The following UBE4B variants were observed in gnomAD, a reference collection of about 807,000 sequenced individuals.
UBE4B encodes the protein ubiquitination factor E4B.
In UBE4B, 27 loss-of-function variants were observed where a neutral mutation model predicts 148.1. The observed-to-expected ratio is 0.18, with a 90% confidence interval of 0.13 to 0.25. UBE4B has a LOEUF of 0.25. UBE4B is among the 10% of genes least tolerant of loss of function. The pLI is 1.00. For missense variants in UBE4B, 1,170 were observed against 1,662.4 expected, an observed-to-expected ratio of 0.70 and a Z score of 5.15; for synonymous variants, 596 against 619.3, an observed-to-expected ratio of 0.96 and a Z score of 0.56.
At chr1:10,120,578 T>C (rs989331382) in intron 9 of UBE4B, among the ~76,000 whole-genome samples, 13 of 152,148 alleles carry the variant, frequency 8.5e-5, no homozygotes, top group Non-Finnish European at 1.6e-4. Flanking sequence ...GGCTCATGCC[T>C]GTAATCCTAT....
chr1:10,120,815 G>A (rs1247739647), intron 9 of UBE4B, among the ~76,000 whole-genome samples: 1 of 152,210 alleles, frequency 6.6e-6, no homozygotes, highest in East Asian at 1.9e-4. Context: ...TCCAGCCTGG[G>A]CAACAGAGCA....
intron 2 of UBE4B, among the ~76,000 whole-genome samples, chr1:10,075,303 A>G (rs958517648): frequency 2.6e-5 from 4 of 152,230 alleles, no homozygotes; most frequent in African/African-American, 7.2e-5. Flanking sequence ...GACCTGTCAG[A>G]AAACTAGAAG....
intron 1 of UBE4B, chr1:10,054,524 T>C: frequency 2.8e-6 from 1 of 361,522 alleles, no homozygotes; most frequent in Non-Finnish European, 5.3e-6. Flanking sequence ...CTCTGGTACC[T>C]TTCTCTTTGG....
At chr1:10,126,941 A>T in intron 11 of UBE4B, 64 bp downstream of exon 11, 1 of 1,415,964 alleles carries the variant, frequency 7.1e-7, no homozygotes, top group Non-Finnish European at 9.9e-7. Flanking sequence ...TTATTTTGAC[A>T]TATACTTTTC....
chr1:10,178,507 A>G (rs886613685), intron 25 of UBE4B, 137 bp from the exon 26 acceptor site: 10 of 747,574 alleles, frequency 1.3e-5, no homozygotes, highest in African/African-American at 5.4e-5. Flanking sequence ...TATAAAATAT[A>G]TAAGTGTATA....
intron 18 of UBE4B, 66 bp downstream of exon 18, chr1:10,145,105 A>AC: frequency 1.5e-6 from 2 of 1,298,002 alleles, no homozygotes; most frequent in Non-Finnish European, 2.2e-6. Flanking sequence ...AACAGAATAT[A>AC]TGCCTTGAGT....
intron 25 of UBE4B, among the ~76,000 whole-genome samples, chr1:10,172,503 C>T (rs1277566701): frequency 6.6e-6 from 1 of 152,118 alleles, no homozygotes; most frequent in African/African-American, 2.4e-5. Flanking sequence ...GCCTTGAACC[C>T]ATATCCTCAG....
chr1:10,121,860 C>T (rs897625277), intron 9 of UBE4B, 102 bp from the exon 10 acceptor site: 4 of 679,568 alleles, frequency 5.9e-6, no homozygotes, highest in Non-Finnish European at 1.0e-5. Flanking sequence ...TGGGAGATGT[C>T]AAGTTTGACT....
At chr1:10,105,454 A>G in intron 5 of UBE4B, 62 bp from the exon 6 acceptor site, 1 of 1,476,820 alleles carries the variant, frequency 6.8e-7, no homozygotes, top group Non-Finnish European at 9.5e-7. Context: ...GGCTTATTCA[A>G]GGGCTGTGTA....
In UBE4B at chr1:10,105,645, G is replaced by A. The variant is rs772928952; in HGVS notation, c.710G>A (p.Arg237Gln). ...ATSQPIAAAA[R>Q]SPDRNLLLNT... ...TCACAGCCAATTGCTGCAGCAGCACGGTCACCAGACAGAAATCTCTTGCTA... is the reference window on the plus strand; with the variant it reads ...TCACAGCCAATTGCTGCAGCAGCACAGTCACCAGACAGAAATCTCTTGCTA... The change falls in exon 6 of 28, where the codon CGG becomes CAG. Residue 237 changes from arginine (R) to glutamine (Q), a missense_variant. Physicochemically the swap from Arg to Gln is conservative, Grantham distance 43. This residue lies in a region of UBE4B where 214 missense variants were observed against 209.1 expected (regional missense o/e 1.02). Coordinates refer to ENST00000343090, the MANE Select transcript of UBE4B (RefSeq NM_001105562.3). 104 of 1,614,058 alleles carry A rather than the reference G, an allele frequency of 6.4e-5. 1 individual carries two copies. The South Asian group carries it at 6.6e-4, about 10-fold the overall frequency.
rs547947665 is a variant in UBE4B, at chr1:10,093,608, C to G, written c.212-1853C>G. Reference sequence around the variant, plus strand: ...GTGGCAAGTTTACTGTCATAGAATGCTGGAAGGGTTAAAATTGTATTTATT... The same window carrying G: ...GTGGCAAGTTTACTGTCATAGAATGGTGGAAGGGTTAAAATTGTATTTATT... On this transcript the variant is annotated intron_variant, in intron 2 of 27. Coordinates refer to ENST00000343090, the MANE Select transcript of UBE4B (RefSeq NM_001105562.3). Among the ~76,000 whole-genome samples the G allele has an allele frequency of 8.2e-4, 125 of 152,168 alleles. 1 individual carries two copies. Among genetic ancestry groups the G allele is most frequent in the African/African-American group, 2.7e-3 (113 of 41,540 alleles).
chr1:10,040,492 C>G (rs1643715180), intron 1 of UBE4B, among the ~76,000 whole-genome samples: 1 of 152,154 alleles, frequency 6.6e-6, no homozygotes, highest in Non-Finnish European at 1.5e-5. Context: ...CTCAAGTGAT[C>G]TGCCCACCTC....
At chr1:10,147,301 T>C (rs189505780) in intron 19 of UBE4B, among the ~76,000 whole-genome samples, 144 of 152,296 alleles carry the variant, frequency 9.5e-4, no homozygotes, top group African/African-American at 3.2e-3. Context: ...AAGACCAGCC[T>C]GGCCAACATG....
Position 10,130,481 on chromosome 1 carries a change from T to C in UBE4B, c.1696-19T>C. 1 of 1,610,682 alleles carries C rather than the reference T, an allele frequency of 6.2e-7. No homozygotes were observed. Among genetic ancestry groups the C allele is most frequent in the Non-Finnish European group, 8.5e-7 (1 of 1,177,394 alleles). On this transcript the variant is annotated intron_variant, in intron 12 of 27. Transcript: ENST00000343090. ...CGGCCTGTTCAGCGGCTTGACTGGC[T>C]CTTCCATCTTCTGCCTAGGTTGCTT... is the stretch of plus-strand genomic sequence containing the variant.
rs540244711 is a variant in UBE4B at position 10,072,314 on chromosome 1, G to C, written c.211+100G>C. 50 of 1,366,796 alleles carry C rather than the reference G, an allele frequency of 3.7e-5. No homozygotes were observed. In the East Asian group the frequency reaches 1.1e-3, roughly 29 times the overall value. 84.7% of individuals were successfully genotyped at this position (1,366,796 alleles called of 1,614,324 possible). On this transcript the variant is annotated intron_variant, in intron 2 of 27. Coordinates refer to ENST00000343090, the MANE Select transcript of UBE4B (RefSeq NM_001105562.3). ...TTCCAGAACAGATTAAAATGAAGCA[G>C]ACATCAGCTCTTTAAAATCCTCCAA...
In UBE4B at chr1:10,072,051, A is replaced by G; in HGVS notation, c.48A>G (p.Arg16=). The G allele has an allele frequency of 5.0e-6, 8 of 1,601,418 alleles. No homozygotes were observed. The highest frequency in any genetic ancestry group is 6.8e-6 in the Non-Finnish European group (8 of 1,174,952). Residue 16 remains arginine (R), a synonymous_variant, in exon 2 of 28, where the codon CGA becomes CGG. Transcript: ENST00000343090. ...ADEIRRRRLA[R]LAGGQTSQPT... is the part of the protein sequence containing the mutation. ...AGATTCGACGGAGGCGCCTTGCACG[A>G]CTTGCTGGTGGACAGACCTCTCAGC... is the stretch of plus-strand genomic sequence containing the variant.
chr1:10,056,406 CTT>C (rs1392345135), intron 1 of UBE4B, among the ~76,000 whole-genome samples: 1 of 152,124 alleles, frequency 6.6e-6, no homozygotes, highest in Non-Finnish European at 1.5e-5. Context: ...CAAGTAAACA[CTT>C]TTCATTTGTT....
Position 10,129,394 on chromosome 1 carries a change from A to C in UBE4B, c.1641A>C (p.Ala547=), listed in dbSNP as rs2101939250. 6.2e-7 allele frequency: 1 copy of C among 1,611,410 alleles called. No individual in the cohort carries two copies. Among genetic ancestry groups the C allele is most frequent in the East Asian group, 2.2e-5 (1 of 44,818 alleles). ...DSDYFKYPLM[A]LGELCETKFG... ...AATGACTCTGATCTTATTTCTAGGC[A>C]CTAGGTGAGCTCTGTGAAACCAAGT... is the stretch of plus-strand genomic sequence containing the variant. Residue 547 remains alanine (A), a splice_region_variant and synonymous_variant, in exon 12 of 28, where the codon GCA becomes GCC. Coordinates refer to ENST00000343090, the MANE Select transcript of UBE4B (RefSeq NM_001105562.3).
At chr1:10,141,453 T>TA (rs1432681211) in intron 17 of UBE4B, among the ~76,000 whole-genome samples, 1 of 152,136 alleles carries the variant, frequency 6.6e-6, no homozygotes, top group Non-Finnish European at 1.5e-5. Flanking sequence ...TGTTCTCCCC[T>TA]AGAGCCTCCA....
Sources: allele counts gnomAD v4.1 joint callset (sites outside exome capture counted in the v4.1 genomes callset), GRCh38; gene constraint gnomAD v4.1.1; regional missense constraint gnomAD v4.1.1; transcripts MANE v1.5; gene names NCBI Gene and HGNC (gene_info 2026-07-23, HGNC 2026-07-21).